Variants in EFCAB5 observed in about 807,000 individuals in gnomAD.
The protein encoded by EFCAB5 is EF-hand calcium-binding domain-containing protein 5.
In EFCAB5, 131 loss-of-function variants were observed where a neutral mutation model predicts 167.9. The ratio of observed to expected loss-of-function variants is 0.78; its 90% CI spans 0.68 to 0.90. The LOEUF is 0.90. Among genes scored for constraint, EFCAB5 ranks in the 40% least tolerant of loss-of-function variants. The pLI is 0.00. For synonymous variants in EFCAB5, 574 were observed against 602.8 expected (o/e 0.95, Z 0.70); for missense variants, 1,663 against 1,745.2 (o/e 0.95, Z 0.84).
At position 29,974,063 on chromosome 17, in the gene EFCAB5, A is replaced by G. The variant is rs867161178; in HGVS notation, c.767+4696A>G. ...TCCCAGCTGCTCGGGAGGCTGAGGCAGGAGAATTGCTTGAACCTGGAAGGC... is the reference window on the plus strand; with the variant it reads ...TCCCAGCTGCTCGGGAGGCTGAGGCGGGAGAATTGCTTGAACCTGGAAGGC... On this transcript the variant is annotated intron_variant, in intron 4 of 22. Coordinates refer to ENST00000394835, the MANE Select transcript of EFCAB5 (RefSeq NM_198529.4). 3.3e-5 allele frequency among the ~76,000 whole-genome samples: 5 copies of G among 150,874 alleles called. No homozygotes were observed. The Middle Eastern group carries it at 0.01, about 308-fold the overall frequency.
At chr17:30,080,269 C>T (rs11080114) in intron 16 of EFCAB5, 28 bp downstream of exon 16, 833,601 of 1,509,868 alleles carry the variant, frequency 0.55, 236,988 homozygotes, top group African/African-American at 0.89. Context: ...AGATTGGTTT[C>T]ACCCTCCTAA....
Position 29,943,593 on chromosome 17 carries a change from TA to T in EFCAB5, c.138del (p.Glu47ArgfsTer19). 6.3e-7 allele frequency: 1 copy of T among 1,585,912 alleles called. No individual in the cohort carries two copies. Among genetic ancestry groups the T allele is most frequent in the East Asian group, 2.3e-5 (1 of 43,840 alleles). On this transcript the variant is annotated frameshift_variant, in exon 3 of 23. Transcript: ENST00000394835. LOFTEE classifies it high-confidence loss of function. ...ETLQSVPDVP[V>X]KEDTNSVVEK... is the part of the protein sequence containing the mutation. ...TTACAGAGTGTGCCAGACGTTCCTG[TA>T]AAAGAGGACACCAACAGTGTGGTGG...
Position 30,090,654 on chromosome 17 carries a change from T to C in EFCAB5, c.3917T>C (p.Ile1306Thr), listed in dbSNP as rs1334598254. Residue 1306 changes from isoleucine to threonine, a missense_variant, in exon 20 of 23, where the codon ATA becomes ACA. Coordinates refer to ENST00000394835, the MANE Select transcript of EFCAB5 (RefSeq NM_198529.4). ...YEILGEFSGE[I>T]KKKYILEIEN... is the part of the protein sequence containing the mutation. ...ATACTTGGCGAGTTCTCTGGAGAGATAAAGAAAAAATATATCTTAGGTATC... is the reference window on the plus strand; with the variant it reads ...ATACTTGGCGAGTTCTCTGGAGAGACAAAGAAAAAATATATCTTAGGTATC... The C allele has an allele frequency of 6.2e-7, 1 of 1,610,916 alleles. No individual in the cohort carries two copies. The highest frequency in any genetic ancestry group is 8.5e-7 in the Non-Finnish European group (1 of 1,179,186).
intron 7 of EFCAB5, among the ~76,000 whole-genome samples, chr17:30,004,787 A>ATTTTTTTTTTTTTTTTTTTTTTT (rs60231360): frequency 1.7e-5 from 2 of 115,138 alleles, no homozygotes; most frequent in Non-Finnish European, 3.4e-5. Flanking sequence ...CTCCTGGCTA[A>ATTTTTTTTTTTTTTTTTTTTTTT]TTTTTTTTTT....
chr17:30,057,760 T>C lies in EFCAB5; in HGVS notation c.2450T>C (p.Leu817Pro). Reference protein sequence around the residue: ...TAFNGVSFNLLQFVQLLETFV... With the variant: ...TAFNGVSFNLPQFVQLLETFV... ...TTCAATGGAGTTTCATTCAATCTGCTCCAGTTTGTGCAACTCCTGGAGACA... is the reference window on the plus strand; with the variant it reads ...TTCAATGGAGTTTCATTCAATCTGCCCCAGTTTGTGCAACTCCTGGAGACA... The change falls in exon 13 of 23, where the codon CTC (leucine) becomes CCC (proline). Residue 817 changes from leucine to proline, a missense_variant. Leu to Pro is a moderately conservative substitution (Grantham distance 98). Transcript: ENST00000394835. The C allele has an allele frequency of 1.2e-6, 2 of 1,613,874 alleles. No homozygotes were observed. Among genetic ancestry groups the C allele is most frequent in the Non-Finnish European group, 1.7e-6 (2 of 1,179,800 alleles).
At chr17:30,069,558 G>A (rs1489448965) in intron 14 of EFCAB5, 1 of 1,613,244 alleles carries the variant, frequency 6.2e-7, no homozygotes, top group Non-Finnish European at 8.5e-7. Flanking sequence ...AACAACGCTG[G>A]CTTCCGCGTA....
intron 7 of EFCAB5, among the ~76,000 whole-genome samples, chr17:30,008,142 T>C (rs537165086): frequency 6.6e-6 from 1 of 152,014 alleles, no homozygotes; most frequent in Non-Finnish European, 1.5e-5. Flanking sequence ...AAGCTAAACA[T>C]CTAATATAAA....
chr17:30,096,974 G>A (rs571316707), intron 22 of EFCAB5, among the ~76,000 whole-genome samples: 35 of 137,986 alleles, frequency 2.5e-4, no homozygotes, highest in Middle Eastern at 4.3e-3. Flanking sequence ...CCACCACCCC[G>A]GTCACAATTA....
At chr17:29,987,797 A>C (rs964804096) in intron 4 of EFCAB5, among the ~76,000 whole-genome samples, 3 of 152,172 alleles carry the variant, frequency 2.0e-5, no homozygotes, top group African/African-American at 7.2e-5. Flanking sequence ...TTTAATAGAA[A>C]CTGGAATGCC....
intron 4 of EFCAB5, among the ~76,000 whole-genome samples, chr17:29,975,816 G>A (rs751011599): frequency 6.6e-6 from 1 of 152,168 alleles, no homozygotes; most frequent in African/African-American, 2.4e-5. Context: ...GGTTAAAAGT[G>A]CAGATTCCTA....
At chr17:29,942,201 C>G in intron 1 of EFCAB5, 39 bp from the exon 2 acceptor site, 6 of 1,533,700 alleles carry the variant, frequency 3.9e-6, no homozygotes, top group Non-Finnish European at 2.6e-6. Context: ...ATCCACAGCT[C>G]TTTTTGGATG....
At chr17:30,095,001 C>A (rs1277153876) in intron 22 of EFCAB5, among the ~76,000 whole-genome samples, 1 of 152,134 alleles carries the variant, frequency 6.6e-6, no homozygotes, top group Non-Finnish European at 1.5e-5. Context: ...GACGTGACCA[C>A]CCTCTCAAGG....
chr17:30,070,949 C>CAAAAAA (rs35019863), intron 14 of EFCAB5, among the ~76,000 whole-genome samples: 13 of 60,178 alleles, frequency 2.2e-4, no homozygotes, highest in Non-Finnish European at 2.3e-4. Flanking sequence ...GATTCCATCT[C>CAAAAAA]AAAAAAAAAA....
Position 30,054,070 on chromosome 17 carries a change from A to G in EFCAB5, c.2116A>G (p.Thr706Ala). ...PLQEKRSWEQ[T>A]YEEEIFLSSE... ...ACAGGAAAAGAGGTCTTGGGAACAA[A>G]CATATGAAGAGGAAATATTCCTGAG... is the stretch of plus-strand genomic sequence containing the variant. The change falls in exon 10 of 23, where the codon ACA (threonine) becomes GCA (alanine). Residue 706 changes from threonine (T) to alanine (A), a missense_variant. Physicochemically the swap from Thr to Ala is moderately conservative, Grantham distance 58. Transcript: ENST00000394835. 6.3e-7 allele frequency: 1 copy of G among 1,593,544 alleles called. No individual in the cohort carries two copies. Among genetic ancestry groups the G allele is most frequent in the Non-Finnish European group, 8.6e-7 (1 of 1,169,038 alleles).
At chr17:30,051,454 A>G (rs1387495309) in intron 9 of EFCAB5, among the ~76,000 whole-genome samples, 1 of 152,244 alleles carries the variant, frequency 6.6e-6, no homozygotes, top group East Asian at 1.9e-4. Context: ...AAAATTTTAT[A>G]TCAGAACTCA....
At chr17:29,997,764 A>C (rs1238246388) in intron 6 of EFCAB5, among the ~76,000 whole-genome samples, 1 of 152,152 alleles carries the variant, frequency 6.6e-6, no homozygotes, top group Non-Finnish European at 1.5e-5. Flanking sequence ...ATGTGCAAGA[A>C]TTCCATGTGT....
chr17:30,101,019 C>T (rs2071375699), intron 22 of EFCAB5, among the ~76,000 whole-genome samples: 1 of 152,094 alleles, frequency 6.6e-6, no homozygotes, highest in African/African-American at 2.4e-5. Context: ...GAGATGAGTT[C>T]AGGAGGTAAT....
At chr17:30,064,668 C>G (rs537370605) in intron 14 of EFCAB5, among the ~76,000 whole-genome samples, 18 of 152,202 alleles carry the variant, frequency 1.2e-4, no homozygotes, top group Middle Eastern at 6.8e-3. Context: ...CCAGGAAGCT[C>G]AAAATTTCCC....
At chr17:29,963,191 C>T (rs776645562) in intron 3 of EFCAB5, among the ~76,000 whole-genome samples, 12 of 152,192 alleles carry the variant, frequency 7.9e-5, no homozygotes, top group Non-Finnish European at 1.6e-4. Context: ...ATTCTCCCAC[C>T]TCAGCCTCCT....
Sources: allele counts gnomAD v4.1 joint callset (sites outside exome capture counted in the v4.1 genomes callset), GRCh38; gene constraint gnomAD v4.1.1; transcripts MANE v1.5; gene names NCBI Gene and HGNC (gene_info 2026-07-23, HGNC 2026-07-21).